Variants in SLC13A4 observed in about 807,000 individuals in gnomAD.
SLC13A4 encodes the protein solute carrier family 13 member 4.
Under a neutral mutation model 72.7 loss-of-function variants are expected in SLC13A4, and 28 were observed. The observed-to-expected ratio is 0.39, with a 90% CI of 0.29 to 0.53. The LOEUF is 0.53. Ranked by LOEUF, SLC13A4 falls within the 20% of genes least tolerant of loss-of-function variation. The pLI is 0.78. For synonymous variants in SLC13A4, 312 were observed against 325.5 expected (o/e 0.96, Z 0.45); for missense variants, 653 against 788.0 (o/e 0.83, Z 2.05).
chr7:135,725,938 C>T (rs756003971), intron 1 of SLC13A4, among the ~76,000 whole-genome samples: 5 of 152,132 alleles, frequency 3.3e-5, no homozygotes, highest in African/African-American at 4.8e-5. Context: ...CACCGCACTC[C>T]GGACTGGGTG....
chr7:135,692,126 C>T, intron 11 of SLC13A4, 197 bp downstream of exon 11: 1 of 594,156 alleles, frequency 1.7e-6, no homozygotes, highest in Non-Finnish European at 3.0e-6. Flanking sequence ...ACATGCAGCA[C>T]TGGATTCCAA....
chr7:135,725,298 G>A (rs1052160195), intron 1 of SLC13A4, among the ~76,000 whole-genome samples: 3 of 152,168 alleles, frequency 2.0e-5, no homozygotes, highest in East Asian at 3.8e-4. Context: ...CCAACTTCAC[G>A]GGAAGGAGGT....
chr7:135,723,994 G>T (rs771209631), intron 1 of SLC13A4, among the ~76,000 whole-genome samples: 25 of 152,202 alleles, frequency 1.6e-4, no homozygotes, highest in Admixed American at 5.2e-4. Context: ...ACCTAAAGGA[G>T]TTCAAACCCA....
Position 135,706,277 on chromosome 7 carries a change from C to T in SLC13A4, c.389G>A (p.Cys130Tyr), listed in dbSNP as rs781022897. 6.2e-7 allele frequency: 1 copy of T among 1,611,812 alleles called. No homozygotes were observed. Among genetic ancestry groups the T allele is most frequent in the African/African-American group, 1.3e-5 (1 of 75,012 alleles). The change falls in exon 4 of 16, where the codon TGT becomes TAT. Residue 130 changes from cysteine to tyrosine, a missense_variant. By Grantham distance (194) the Cys-to-Tyr change is radical. Coordinates refer to ENST00000682651, the MANE Select transcript of SLC13A4 (RefSeq NM_001318192.2). ...CAGCCACATGGACAGCAACGTGGTA[C>T]AGCACATGAAGCAGAGCAGCAGCCT... ...PGMLLLCFMCCTTLLSMWLSN... is the reference protein window; with the variant it reads ...PGMLLLCFMCYTTLLSMWLSN...
At chr7:135,692,291 G>T in intron 11 of SLC13A4, 32 bp downstream of exon 11, 1 of 1,469,086 alleles carries the variant, frequency 6.8e-7, no homozygotes, top group Admixed American at 1.7e-5. Context: ...GGGTGAGGGG[G>T]TTGTTCTTAA....
At chr7:135,718,516 C>T (rs535545408) in intron 2 of SLC13A4, among the ~76,000 whole-genome samples, 68 of 152,038 alleles carry the variant, frequency 4.5e-4, no homozygotes, top group Admixed American at 1.8e-3. Context: ...GCATGAATCT[C>T]GGTGGGGAGA....
chr7:135,684,116 C>T lies in SLC13A4; in HGVS notation c.1746+8G>A. The T allele has an allele frequency of 6.3e-7, 1 of 1,594,408 alleles. No individual in the cohort carries two copies. Among genetic ancestry groups the T allele is most frequent in the Non-Finnish European group, 8.6e-7 (1 of 1,166,708 alleles). On this transcript the variant is annotated splice_region_variant and intron_variant, in intron 15 of 15. Coordinates refer to ENST00000682651, the MANE Select transcript of SLC13A4 (RefSeq NM_001318192.2). ...TGGGCCTGGCAGGGAGAGGGCACCC[C>T]AACTCACCATATCTTTGATCTGGCA...
At chr7:135,700,497 C>A (rs1324739668) in intron 7 of SLC13A4, among the ~76,000 whole-genome samples, 2 of 152,168 alleles carry the variant, frequency 1.3e-5, no homozygotes, top group African/African-American at 4.8e-5. Context: ...CCTAGTGGGG[C>A]CGAAGTATGG....
At chr7:135,721,349 G>T in intron 2 of SLC13A4, 46 bp downstream of exon 2, 3 of 1,605,266 alleles carry the variant, frequency 1.9e-6, no homozygotes, top group Non-Finnish European at 2.6e-6. Context: ...TCTTTCAGGG[G>T]CCCTGCAGGG....
chr7:135,684,015 G>T, intron 15 of SLC13A4, 109 bp downstream of exon 15: 3 of 1,291,788 alleles, frequency 2.3e-6, no homozygotes, highest in South Asian at 1.9e-5. Context: ...GTTTAGCATT[G>T]ACAGGCCAGG....
intron 13 of SLC13A4, among the ~76,000 whole-genome samples, chr7:135,689,361 G>A (rs963046115): frequency 2.0e-5 from 3 of 152,226 alleles, no homozygotes; most frequent in African/African-American, 7.2e-5. Context: ...TAAAAAGAAT[G>A]AAGGGTTCTA....
intron 14 of SLC13A4, among the ~76,000 whole-genome samples, chr7:135,685,147 A>G (rs1339905430): frequency 6.6e-6 from 1 of 151,998 alleles, no homozygotes; most frequent in Non-Finnish European, 1.5e-5. Context: ...TTCTGTGGCT[A>G]CCTCTTTGGC....
chr7:135,710,162 T>C (rs912138173), intron 2 of SLC13A4, among the ~76,000 whole-genome samples: 2 of 152,094 alleles, frequency 1.3e-5, no homozygotes, highest in Non-Finnish European at 2.9e-5. Flanking sequence ...AAAATAAAAA[T>C]TCAACAGGAA....
At position 135,692,687 on chromosome 7, in the gene SLC13A4, A is replaced by C. The variant is rs902636625; in HGVS notation, c.1122-263T>G. 3 of 400,376 alleles carry C rather than the reference A, an allele frequency of 7.5e-6. No individual in the cohort carries two copies. In the East Asian group the frequency reaches 1.6e-4, roughly 21 times the overall value. The allele number at this position is 400,376 out of a possible 1,614,324, so 24.8% of individuals were successfully genotyped here. On this transcript the variant is annotated intron_variant, in intron 10 of 15. Coordinates refer to ENST00000682651, the MANE Select transcript of SLC13A4 (RefSeq NM_001318192.2). ...CACTGTACATTTGTAAAATAATTTCAAATACAGCCTACAAGGAGAGTGCAG... is the reference window on the plus strand; with the variant it reads ...CACTGTACATTTGTAAAATAATTTCCAATACAGCCTACAAGGAGAGTGCAG...
chr7:135,726,083 A>G (rs962001479), intron 1 of SLC13A4, among the ~76,000 whole-genome samples: 3 of 152,142 alleles, frequency 2.0e-5, no homozygotes, highest in Admixed American at 6.5e-5. Flanking sequence ...GGGCTGCCTC[A>G]ACCAGGAGAT....
chr7:135,726,570 GAGGGA>G (rs10595834), intron 1 of SLC13A4, among the ~76,000 whole-genome samples: 93,098 of 151,086 alleles, frequency 0.62, 28,803 homozygotes, highest in East Asian at 0.68. Flanking sequence ...GAGAACAGCG[GAGGGA>G]AGGGAAGGGA....
chr7:135,690,571 A>G (rs1028104071), intron 13 of SLC13A4, among the ~76,000 whole-genome samples: 8 of 152,070 alleles, frequency 5.3e-5, no homozygotes, highest in African/African-American at 9.7e-5. Flanking sequence ...ACCATCTCCT[A>G]TTGCCACTGT....
Position 135,727,772 on chromosome 7 carries a change from G to A in SLC13A4, c.-276C>T, listed in dbSNP as rs1796699814. 9.6e-6 allele frequency: 4 copies of A among 416,310 alleles called. No individual in the cohort carries two copies. The highest frequency in any genetic ancestry group is 1.7e-5 in the Non-Finnish European group (4 of 233,822). The allele number at this position is 416,310 out of a possible 1,614,324, so 25.8% of individuals were successfully genotyped here. A position where few individuals can be genotyped will look rare whatever the true frequency, so the allele number is the denominator to read the frequency against. On this transcript the variant is annotated 5_prime_UTR_variant, in exon 1 of 16. Coordinates refer to ENST00000682651, the MANE Select transcript of SLC13A4 (RefSeq NM_001318192.2). ...AAAGGATGATAAACGGGGGCATAGT[G>A]GGCCTCCTCTCGGCTTGATTAGTAA...
chr7:135,690,965 G>C (rs1336501847), intron 13 of SLC13A4, among the ~76,000 whole-genome samples: 1 of 152,174 alleles, frequency 6.6e-6, no homozygotes, highest in African/African-American at 2.4e-5. Context: ...AGGAGTTTGA[G>C]ACTAGCCTGG....
Sources: gnomAD v4.1 joint callset for allele counts (sites outside exome capture counted in the v4.1 genomes callset) on GRCh38, gnomAD v4.1.1 for gene constraint, MANE v1.5 for transcripts, NCBI Gene and HGNC (gene_info 2026-07-23, HGNC 2026-07-21) for gene names.